HAPLN2: variants seen among roughly 807,000 people sequenced by gnomAD.
HAPLN2 encodes hyaluronan and proteoglycan link protein 2.
In HAPLN2, 27 loss-of-function variants were observed where a neutral mutation model predicts 29.3. The ratio of observed to expected loss-of-function variants is 0.92; its 90% CI spans 0.68 to 1.27. HAPLN2 has a LOEUF of 1.27. HAPLN2 is among the 50% of genes most tolerant of loss of function. The pLI is 0.00. For missense variants in HAPLN2, 454 were observed against 484.3 expected, an observed-to-expected ratio of 0.94 and a Z score of 0.59; for synonymous variants, 208 against 211.7, an observed-to-expected ratio of 0.98 and a Z score of 0.15.
At chr1:156,606,365 G>A in the HAPLN2 span, among the ~76,000 whole-genome samples, 1 of 146,496 alleles carries the variant, frequency 6.8e-6, no homozygotes, top group Non-Finnish European at 1.5e-5. Flanking sequence ...ATTGCTTGGA[G>A]CCTGAGCTGT....
chr1:156,602,751 T>A, the HAPLN2 span, among the ~76,000 whole-genome samples: 1 of 150,848 alleles, frequency 6.6e-6, no homozygotes, highest in Non-Finnish European at 1.5e-5. Context: ...GGTATGAGGA[T>A]GTATTGAGCA....
At chr1:156,613,098 C>A in the HAPLN2 span, among the ~76,000 whole-genome samples, 1 of 152,206 alleles carries the variant, frequency 6.6e-6, no homozygotes, top group African/African-American at 2.4e-5. Context: ...CGCCTGTAAT[C>A]CCAGCACTTT....
At chr1:156,624,561 A>G (rs760104638) in intron 5 of HAPLN2, 40 bp from the exon 6 acceptor site, 10 of 1,605,790 alleles carry the variant, frequency 6.2e-6, no homozygotes, top group African/African-American at 1.3e-5. Context: ...GCTCCTGCCT[A>G]TGACGCCTCT....
At position 156,623,839 on chromosome 1, in the gene HAPLN2, C is replaced by G; in HGVS notation, c.118C>G (p.Pro40Ala). 3 of 1,539,990 alleles carry G rather than the reference C, an allele frequency of 1.9e-6. No homozygotes were observed. Among genetic ancestry groups the G allele is most frequent in the Non-Finnish European group, 1.7e-6 (2 of 1,144,064 alleles). The change falls in exon 4 of 7, where the codon CCC becomes GCC. Residue 40 changes from proline (P) to alanine (A), a missense_variant. Pro to Ala is a conservative substitution (Grantham distance 27, BLOSUM62 -1). This residue lies in a region of HAPLN2 where 204 missense variants were observed against 209.2 expected (regional missense o/e 0.98). Transcript: ENST00000255039. ...CCCGGGCCCCCACTACCTCCTGCCC[C>G]CCATCCACGAGGTCATTCACTCTCA... is the stretch of plus-strand genomic sequence containing the variant. Reference protein sequence around the residue: ...SHPGPHYLLPPIHEVIHSHRG... With the variant: ...SHPGPHYLLPAIHEVIHSHRG...
At chr1:156,623,758 G>A in intron 3 of HAPLN2, 49 bp from the exon 4 acceptor site, 5 of 1,469,480 alleles carry the variant, frequency 3.4e-6, no homozygotes, top group Non-Finnish European at 4.5e-6. Flanking sequence ...ATGGGCACTT[G>A]GGGCAGTGAG....
the HAPLN2 span, among the ~76,000 whole-genome samples, chr1:156,606,613 G>C: frequency 1.6e-4 from 25 of 151,812 alleles, no homozygotes; most frequent in African/African-American, 5.8e-4. Context: ...CTCCCAAGTA[G>C]CTGGGGCCAC....
chr1:156,620,548 T>C (rs1423893114), intron 2 of HAPLN2, among the ~76,000 whole-genome samples: 1 of 152,208 alleles, frequency 6.6e-6, no homozygotes, highest in South Asian at 2.1e-4. Context: ...CTTATCAAGT[T>C]CTCCTATAAA....
chr1:156,614,630 C>A (rs985377438), upstream of HAPLN2: 7 of 152,104 alleles, frequency 4.6e-5, no homozygotes, highest in African/African-American at 1.7e-4. Context: ...GAGTGAGAAT[C>A]TGTACAAACT....
At chr1:156,610,093 A>T in the HAPLN2 span, among the ~76,000 whole-genome samples, 1 of 152,040 alleles carries the variant, frequency 6.6e-6, no homozygotes, top group African/African-American at 2.4e-5. Flanking sequence ...ACGTGCCTGT[A>T]ATCCCAGGTC....
chr1:156,606,574 C>T, the HAPLN2 span, among the ~76,000 whole-genome samples: 8 of 151,636 alleles, frequency 5.3e-5, no homozygotes, highest in Non-Finnish European at 8.8e-5. Context: ...CCTCAATCTC[C>T]TGGACTCAAG....
chr1:156,611,742 T>C, the HAPLN2 span, among the ~76,000 whole-genome samples: 36,138 of 152,148 alleles, frequency 0.24, 4,604 homozygotes, highest in South Asian at 0.49. Context: ...TAAAATGTAT[T>C]GATTACTTTC....
intron 2 of HAPLN2, among the ~76,000 whole-genome samples, chr1:156,621,863 T>TA (rs1216451632): frequency 1.3e-5 from 2 of 151,210 alleles, no homozygotes; most frequent in Admixed American, 6.6e-5. Context: ...TGTATCTGAT[T>TA]AAAAAATTTT....
chr1:156,624,538 C>A (rs1678378332), intron 5 of HAPLN2, 63 bp from the exon 6 acceptor site: 8 of 1,600,794 alleles, frequency 5.0e-6, no homozygotes, highest in Admixed American at 3.4e-5. Context: ...GGGCGCCAGG[C>A]GAGCTCAGTC....
chr1:156,625,452 C>T lies in HAPLN2; in HGVS notation c.*68C>T. 7.0e-7 allele frequency: 1 copy of T among 1,428,120 alleles called. No individual in the cohort carries two copies. The allele number at this position is 1,428,120 out of a possible 1,614,324, so 88.5% of individuals were successfully genotyped here. On this transcript the variant is annotated 3_prime_UTR_variant, in exon 7 of 7. Coordinates refer to ENST00000255039, the MANE Select transcript of HAPLN2 (RefSeq NM_021817.3). The surrounding 1 kb of genome is among the most constrained non-coding windows in gnomAD (Gnocchi z 5.7). ...AGTCGTGGCGGGGGTCTCTCGCCAC[C>T]CCTTTCCGGAGAGCCTCCCCTCCCT...
chr1:156,618,270 C>A (rs563509261), upstream of HAPLN2, among the ~76,000 whole-genome samples: 412 of 143,680 alleles, frequency 2.9e-3, 3 homozygotes, highest in Middle Eastern at 0.019. Context: ...TGCGCCACTG[C>A]ACTCCAGCCT....
In HAPLN2 at chr1:156,625,628, C is replaced by T; in HGVS notation, c.*244C>T. 2.2e-6 allele frequency: 1 copy of T among 457,764 alleles called. No individual in the cohort carries two copies. Among genetic ancestry groups the T allele is most frequent in the Admixed American group, 4.2e-5 (1 of 23,960 alleles). 28.4% of individuals were successfully genotyped at this position (457,764 alleles called of 1,614,324 possible). On this transcript the variant is annotated 3_prime_UTR_variant, in exon 7 of 7. Coordinates refer to ENST00000255039, the MANE Select transcript of HAPLN2 (RefSeq NM_021817.3). The surrounding 1 kb of genome is among the most constrained non-coding windows in gnomAD (Gnocchi z 5.7). ...CCTCGGACCCGCTGCCGTTCGCGAACCCTAGCAGAGGACTCAGCCACCGCC... is the reference window on the plus strand; with the variant it reads ...CCTCGGACCCGCTGCCGTTCGCGAATCCTAGCAGAGGACTCAGCCACCGCC...
chr1:156,614,296 C>G, the HAPLN2 span, among the ~76,000 whole-genome samples: 2 of 151,530 alleles, frequency 1.3e-5, no homozygotes, highest in Non-Finnish European at 2.9e-5. Context: ...GCAATCTCAG[C>G]TCACTGCAAC....
the HAPLN2 span, among the ~76,000 whole-genome samples, chr1:156,605,959 G>A: frequency 6.6e-6 from 1 of 152,142 alleles, no homozygotes; most frequent in Admixed American, 6.6e-5. Context: ...AGACTAGCCT[G>A]GGCAACATAG....
upstream of HAPLN2, among the ~76,000 whole-genome samples, chr1:156,616,068 G>A (rs1382790969): frequency 6.6e-6 from 1 of 152,142 alleles, no homozygotes; most frequent in African/African-American, 2.4e-5. Context: ...TCATAAACTG[G>A]GGCCATGCTT....
Sources: allele counts gnomAD v4.1 joint callset (sites outside exome capture counted in the v4.1 genomes callset), GRCh38; gene constraint gnomAD v4.1.1; regional missense constraint gnomAD v4.1.1; non-coding constraint Gnocchi (gnomAD v3.1); transcripts MANE v1.5; gene names NCBI Gene and HGNC (gene_info 2026-07-23, HGNC 2026-07-21).